Variants in MS4A4A observed in about 807,000 individuals in gnomAD.
MS4A4A encodes the protein membrane spanning 4-domains A4A, also known as membrane-spanning 4-domains subfamily A member 4A.
MS4A4A carries 26 observed loss-of-function variants against 28.0 expected under a neutral mutation model. That is an observed-to-expected ratio of 0.93 (90% CI 0.68 to 1.29). The LOEUF (loss-of-function observed/expected upper bound fraction) is 1.29. Ranked by LOEUF, MS4A4A falls within the 50% of genes most tolerant of loss-of-function variation. The pLI is 0.00. For synonymous variants in MS4A4A, 86 were observed against 100.8 expected (o/e 0.85, Z 0.88); for missense variants, 290 against 293.1 (o/e 0.99, Z 0.08).
At chr11:60,292,162 A>T in intron 1 of MS4A4A, 63 bp from the exon 2 acceptor site, 1 of 1,471,048 alleles carries the variant, frequency 6.8e-7, no homozygotes, top group Non-Finnish European at 9.0e-7. Flanking sequence ...AACCTGCCCC[A>T]AAGTGTCATG....
chr11:60,297,846 C>A (rs531820360), intron 3 of MS4A4A, among the ~76,000 whole-genome samples: 1 of 152,214 alleles, frequency 6.6e-6, no homozygotes, highest in East Asian at 1.9e-4. Flanking sequence ...TCTACCCTAC[C>A]TTTAGCTCAT....
chr11:60,286,012 C>A (rs1007672876), intron 1 of MS4A4A, among the ~76,000 whole-genome samples: 2 of 152,138 alleles, frequency 1.3e-5, no homozygotes, highest in Non-Finnish European at 2.9e-5. Context: ...GGCAGACACC[C>A]CCAGAGCGGC....
intron 1 of MS4A4A, among the ~76,000 whole-genome samples, chr11:60,282,119 T>C (rs2084760091): frequency 6.6e-6 from 1 of 152,226 alleles, no homozygotes; most frequent in South Asian, 2.1e-4. Context: ...GAACCTGACC[T>C]ATGTTACCAA....
intron 2 of MS4A4A, among the ~76,000 whole-genome samples, chr11:60,295,732 TC>T (rs1397933881): frequency 6.6e-6 from 1 of 152,154 alleles, no homozygotes; most frequent in African/African-American, 2.4e-5. Flanking sequence ...TTTTTCTGCG[TC>T]TGTTAATATA....
intron 1 of MS4A4A, chr11:60,282,618 T>A: frequency 7.8e-7 from 1 of 1,285,122 alleles, no homozygotes; most frequent in Non-Finnish European, 1.0e-6. Context: ...GGTGGAACAT[T>A]CCTGCAAATG....
At position 60,302,368 on chromosome 11, in the gene MS4A4A, G is replaced by A. The variant is rs187848628; in HGVS notation, c.388-191G>A. On this transcript the variant is annotated intron_variant, in intron 4 of 6. Coordinates refer to ENST00000337908, the MANE Select transcript of MS4A4A (RefSeq NM_148975.3). ...GAATCATCTGAAGAATTGAAGCTGC[G>A]GAATAATGAGATCATGTTTGTGTTT... is the stretch of plus-strand genomic sequence containing the variant. Among the ~76,000 whole-genome samples, 11 of 152,240 alleles carry A rather than the reference G, an allele frequency of 7.2e-5. No individual in the cohort carries two copies. In the East Asian group the frequency reaches 1.3e-3, roughly 19 times the overall value.
chr11:60,284,441 C>G (rs1332864159), intron 1 of MS4A4A, among the ~76,000 whole-genome samples: 1 of 152,204 alleles, frequency 6.6e-6, no homozygotes, highest in Non-Finnish European at 1.5e-5. Context: ...CTGCTCCAAC[C>G]TTCTCCGGTC....
At chr11:60,301,085 C>A (rs1554994235) in intron 4 of MS4A4A, 28 bp downstream of exon 4, 1 of 1,503,060 alleles carries the variant, frequency 6.7e-7, no homozygotes. Flanking sequence ...TTTTTGGTAT[C>A]AAAAAAAGGA....
chr11:60,285,429 G>A (rs1052963686), intron 1 of MS4A4A, among the ~76,000 whole-genome samples: 2 of 152,136 alleles, frequency 1.3e-5, no homozygotes, highest in African/African-American at 4.8e-5. Flanking sequence ...AGTGAGTCAC[G>A]ATAGTGCCAG....
intron 3 of MS4A4A, among the ~76,000 whole-genome samples, chr11:60,297,887 G>A (rs1483231952): frequency 6.6e-6 from 1 of 152,138 alleles, no homozygotes; most frequent in Non-Finnish European, 1.5e-5. Flanking sequence ...GGTTTAGTTA[G>A]CAAGGAAGAA....
intron 1 of MS4A4A, among the ~76,000 whole-genome samples, chr11:60,283,669 G>A (rs187852876): frequency 6.6e-5 from 10 of 152,148 alleles, no homozygotes; most frequent in Admixed American, 6.6e-4. Context: ...GTCAATTTAT[G>A]GGCTTTATTA....
At chr11:60,280,834 G>C in intron 1 of MS4A4A, 118 bp downstream of exon 1, 2 of 1,227,624 alleles carry the variant, frequency 1.6e-6, no homozygotes, top group Non-Finnish European at 2.3e-6. Context: ...CATGACCCAA[G>C]CTGGTATTCA....
intron 6 of MS4A4A, among the ~76,000 whole-genome samples, chr11:60,307,779 C>A (rs1056633905): frequency 6.6e-6 from 1 of 152,158 alleles, no homozygotes; most frequent in East Asian, 1.9e-4. Context: ...TCAGCATGAA[C>A]AACCTGGTTT....
At chr11:60,308,053 G>A (rs2085020420) in intron 6 of MS4A4A, 54 bp from the exon 7 acceptor site, 2 of 1,486,620 alleles carry the variant, frequency 1.3e-6, no homozygotes, top group African/African-American at 1.4e-5. Context: ...GCAGGAAAGG[G>A]GCACTCTGAG....
intron 3 of MS4A4A, among the ~76,000 whole-genome samples, chr11:60,300,271 G>A (rs1185609858): frequency 1.3e-5 from 2 of 152,084 alleles, no homozygotes; most frequent in Non-Finnish European, 2.9e-5. Context: ...CTATATTCTA[G>A]TCATCATCTA....
intron 4 of MS4A4A, among the ~76,000 whole-genome samples, chr11:60,301,653 T>C (rs2084953567): frequency 6.6e-6 from 1 of 152,222 alleles, no homozygotes; most frequent in African/African-American, 2.4e-5. Context: ...GCATGATCAA[T>C]ATGGGTTTTC....
intron 1 of MS4A4A, among the ~76,000 whole-genome samples, chr11:60,283,765 A>T (rs1037080503): frequency 1.3e-5 from 2 of 152,260 alleles, no homozygotes; most frequent in Admixed American, 1.3e-4. Context: ...AAGACCAAAA[A>T]TAAGACCTAT....
At chr11:60,297,167 A>G in intron 2 of MS4A4A, 30 bp from the exon 3 acceptor site, 2 of 1,610,806 alleles carry the variant, frequency 1.2e-6, no homozygotes, top group Non-Finnish European at 1.7e-6. Flanking sequence ...GTGGTGGACA[A>G]TCAGTTTTTG....
chr11:60,302,421 A>C (rs752254789), intron 4 of MS4A4A, 138 bp from the exon 5 acceptor site: 1 of 874,712 alleles, frequency 1.1e-6, no homozygotes, highest in South Asian at 1.8e-5. Context: ...TGAAACCACA[A>C]GACAAGTTAG....
Sources: gnomAD v4.1 joint callset for allele counts (sites outside exome capture counted in the v4.1 genomes callset) on GRCh38, gnomAD v4.1.1 for gene constraint, MANE v1.5 for transcripts, NCBI Gene and HGNC (gene_info 2026-07-23, HGNC 2026-07-21) for gene names.